The following RHCE variants were observed in gnomAD, a reference collection of about 807,000 sequenced individuals.
RHCE encodes the protein Rh blood group CcEe antigens.
RHCE carries 22 observed loss-of-function variants against 43.8 expected under a neutral mutation model. The ratio of observed to expected loss-of-function variants is 0.50; its 90% CI spans 0.36 to 0.72. The LOEUF (loss-of-function observed/expected upper bound fraction) is 0.72. Ranked by LOEUF, RHCE falls within the 30% of genes least tolerant of loss-of-function variation. The pLI, the probability that RHCE is intolerant of heterozygous loss-of-function variation, is 0.00. For synonymous variants in RHCE, 156 were observed against 210.7 expected (o/e 0.74, Z 2.25); for missense variants, 385 against 525.4 (o/e 0.73, Z 2.61).
chr1:25,392,053 G>T lies in RHCE; in HGVS notation c.575C>A (p.Pro192His). The change falls in exon 4 of 10, where the codon CCC (proline) becomes CAC (histidine). Residue 192 changes from proline (P) to histidine (H), a missense_variant. Coordinates refer to ENST00000294413, the MANE Select transcript of RHCE (RefSeq NM_020485.8). ...CTGATCATTATCCTCCGTTCCCTTG[G>T]GTAGAGGCTTTGGCAGGCACCAGGC... ...TVAWCLPKPL[P>H]KGTEDNDQRA... The T allele has an allele frequency of 6.2e-7, 1 of 1,614,144 alleles. No individual in the cohort carries two copies. Among genetic ancestry groups the T allele is most frequent in the African/African-American group, 1.3e-5 (1 of 74,984 alleles).
intron 7 of RHCE, among the ~76,000 whole-genome samples, chr1:25,381,432 T>C (rs374766496): frequency 2.1e-4 from 32 of 152,160 alleles, no homozygotes; most frequent in African/African-American, 7.7e-4. Context: ...AGAACTGTCT[T>C]TAATGCTCCA....
At chr1:25,380,153 C>T (rs1645949083) in intron 7 of RHCE, among the ~76,000 whole-genome samples, 1 of 142,844 alleles carries the variant, frequency 7.0e-6, no homozygotes, top group Admixed American at 7.2e-5. Flanking sequence ...AACAGTGGAA[C>T]AGGCATAGGA....
intron 1 of RHCE, among the ~76,000 whole-genome samples, chr1:25,411,059 T>G (rs1371765612): frequency 6.6e-6 from 1 of 151,824 alleles, no homozygotes; most frequent in African/African-American, 2.4e-5. Flanking sequence ...ACCACTGCAC[T>G]CCAGCCTGGG....
intron 2 of RHCE, among the ~76,000 whole-genome samples, chr1:25,428,207 C>G (rs1004918609): frequency 3.3e-5 from 5 of 152,224 alleles, no homozygotes. Flanking sequence ...CTCATCTAAC[C>G]ATCCCACTTA....
Position 25,362,371 on chromosome 1 carries a change from C to T in RHCE, c.*156G>A. 6.5e-7 allele frequency: 1 copy of T among 1,546,278 alleles called. No individual in the cohort carries two copies. The highest frequency in any genetic ancestry group is 8.8e-7 in the Non-Finnish European group (1 of 1,138,542). On this transcript the variant is annotated 3_prime_UTR_variant, in exon 10 of 10. Transcript: ENST00000294413. ...TTGACTCTTAAACTAAGTTTTTAGT[C>T]TTTAATTTTTTAATATCAAATCTGT...
chr1:25,392,222 C>A, intron 3 of RHCE, 81 bp from the exon 4 acceptor site: 3 of 1,609,538 alleles, frequency 1.9e-6, no homozygotes, highest in Non-Finnish European at 2.6e-6. Context: ...GGAGAAAGTT[C>A]AGAGCTTCAC....
intron 1 of RHCE, among the ~76,000 whole-genome samples, chr1:25,429,694 G>A (rs189298400): frequency 6.6e-6 from 1 of 151,934 alleles, no homozygotes; most frequent in African/African-American, 2.4e-5. Flanking sequence ...TCATCCATAG[G>A]GGAAAATTGG....
At chr1:25,425,647 T>C (rs1373818427), upstream of RHCE, among the ~76,000 whole-genome samples, 2 of 152,198 alleles carry the variant, frequency 1.3e-5, no homozygotes, top group East Asian at 1.9e-4. Flanking sequence ...CAAGTGGTGC[T>C]ATGTCCACGG....
chr1:25,411,152 A>T (rs1034132165), intron 1 of RHCE, among the ~76,000 whole-genome samples: 12 of 152,198 alleles, frequency 7.9e-5, no homozygotes, highest in Admixed American at 7.2e-4. Flanking sequence ...TCAACTTCAT[A>T]GCCCTGTGGT....
chr1:25,403,804 G>A (rs1236202753), intron 2 of RHCE, among the ~76,000 whole-genome samples: 208 of 150,482 alleles, frequency 1.4e-3, no homozygotes, highest in African/African-American at 4.8e-3. Context: ...CACAGCAACA[G>A]TGATGATAAT....
At chr1:25,404,304 T>C (rs535537572) in intron 2 of RHCE, among the ~76,000 whole-genome samples, 7 of 147,564 alleles carry the variant, frequency 4.7e-5, no homozygotes, top group Non-Finnish European at 8.9e-5. Context: ...TGATCACAAA[T>C]GTGAGGTTCA....
At chr1:25,410,243 G>A (rs1430512813) in intron 1 of RHCE, among the ~76,000 whole-genome samples, 15 of 151,974 alleles carry the variant, frequency 9.9e-5, no homozygotes. Flanking sequence ...CCTGTGCCTT[G>A]GACTACCACA....
Position 25,392,083 on chromosome 1 carries a change from G to A in RHCE, c.545C>T (p.Thr182Ile), listed in dbSNP as rs372119551. 3 of 1,614,056 alleles carry A rather than the reference G, an allele frequency of 1.9e-6. No individual in the cohort carries two copies. Among genetic ancestry groups the A allele is most frequent in the Non-Finnish European group, 2.5e-6 (3 of 1,180,044 alleles). The change falls in exon 4 of 10, where the codon ACT (threonine) becomes ATT (isoleucine). Residue 182 changes from threonine (T) to isoleucine (I), a missense_variant. Around this residue, in one of 6 missense-constraint regions of RHCE, gnomAD observed 110 missense variants for 103.4 expected, o/e 1.06. Coordinates refer to ENST00000294413, the MANE Select transcript of RHCE (RefSeq NM_020485.8). The stretch of plus-strand genomic sequence containing the variant: ...AGGCTTTGGCAGGCACCAGGCCACA[G>A]TCAGCCCAAAATAGGCTGCGAACAC... ...FYVFAAYFGL[T>I]VAWCLPKPLP...
chr1:25,381,649 C>T (rs921266409), intron 7 of RHCE, among the ~76,000 whole-genome samples: 14 of 151,816 alleles, frequency 9.2e-5, no homozygotes, highest in African/African-American at 2.9e-4. Context: ...GTAGAAACAG[C>T]GTTTCACCAT....
intron 7 of RHCE, among the ~76,000 whole-genome samples, chr1:25,376,913 CA>C (rs1234810472): frequency 1.7e-4 from 24 of 143,526 alleles, no homozygotes; most frequent in Admixed American, 4.9e-4. Flanking sequence ...GACTCCATCT[CA>C]AAAAAAAAAG....
intron 1 of RHCE, among the ~76,000 whole-genome samples, chr1:25,414,165 A>G (rs962000959): frequency 3.3e-5 from 5 of 151,196 alleles, no homozygotes; most frequent in African/African-American, 1.2e-4. Flanking sequence ...GCTCTCCCCC[A>G]GGCCTGTTGC....
intron 7 of RHCE, among the ~76,000 whole-genome samples, chr1:25,377,396 C>T (rs1645821576): frequency 6.6e-6 from 1 of 151,952 alleles, no homozygotes; most frequent in Admixed American, 6.6e-5. Context: ...CAGGGTTTCA[C>T]CATGTTGGCC....
chr1:25,397,756 C>T (rs899396629), intron 3 of RHCE, among the ~76,000 whole-genome samples: 12 of 150,066 alleles, frequency 8.0e-5, no homozygotes, highest in Non-Finnish European at 1.6e-4. Context: ...TCTTTCCCTG[C>T]GTTACACTTC....
chr1:25,426,795 G>A (rs538448527), intron 2 of RHCE, among the ~76,000 whole-genome samples: 9 of 152,288 alleles, frequency 5.9e-5, no homozygotes, highest in African/African-American at 2.2e-4. Context: ...GGTGTCTCAC[G>A]CCTGTAACCC....
Sources: gnomAD v4.1 joint callset for allele counts (sites outside exome capture counted in the v4.1 genomes callset) on GRCh38, gnomAD v4.1.1 for gene constraint, gnomAD v4.1.1 regional missense constraint, MANE v1.5 for transcripts, NCBI Gene and HGNC (gene_info 2026-07-23, HGNC 2026-07-21) for gene names.